The following HTT variants were observed in gnomAD, a reference collection of about 807,000 sequenced individuals.
HTT encodes huntingtin.
In HTT, 104 loss-of-function variants were observed where a neutral mutation model predicts 362.3. The ratio of observed to expected loss-of-function variants is 0.29; its 90% CI spans 0.24 to 0.34. HTT has a LOEUF of 0.34. HTT is among the 10% of genes least tolerant of loss of function. The pLI is 1.00. For missense variants in HTT, 3,301 were observed against 3,928.6 expected, an observed-to-expected ratio of 0.84 and a Z score of 4.27; for synonymous variants, 1,577 against 1,548.7, an observed-to-expected ratio of 1.02 and a Z score of -0.43.
chr4:3,198,647 C>T (rs1351844326), intron 40 of HTT, among the ~76,000 whole-genome samples: 1 of 152,252 alleles, frequency 6.6e-6, no homozygotes, highest in East Asian at 1.9e-4. Context: ...GCTGCCTCTC[C>T]CTGCTGGGCT....
intron 61 of HTT, 53 bp from the exon 62 acceptor site, chr4:3,235,231 C>T (rs1721466263): frequency 8.0e-7 from 1 of 1,244,790 alleles, no homozygotes; most frequent in Non-Finnish European, 1.2e-6. Context: ...CTGTGAAGCC[C>T]TCTCCACGTT....
At chr4:3,171,443 T>C (rs958661418) in intron 29 of HTT, among the ~76,000 whole-genome samples, 1 of 151,868 alleles carries the variant, frequency 6.6e-6, no homozygotes, top group Non-Finnish European at 1.5e-5. Context: ...GTGGCGCTCT[T>C]TGAGTTAGCA....
chr4:3,078,861 A>G (rs1249091968), intron 1 of HTT, among the ~76,000 whole-genome samples: 1 of 152,032 alleles, frequency 6.6e-6, no homozygotes. Flanking sequence ...CAGTCTCCCA[A>G]GTAGCTGGGA....
At chr4:3,199,477 T>C (rs1719425147) in intron 40 of HTT, among the ~76,000 whole-genome samples, 1 of 151,734 alleles carries the variant, frequency 6.6e-6, no homozygotes, top group African/African-American at 2.4e-5. Context: ...AAGGTGGAGT[T>C]TGCAGTGAGC....
In HTT at chr4:3,214,121, T is replaced by C; in HGVS notation, c.6938T>C (p.Phe2313Ser). 1 of 1,525,186 alleles carries C rather than the reference T, an allele frequency of 6.6e-7. No individual in the cohort carries two copies. Among genetic ancestry groups the C allele is most frequent in the Non-Finnish European group, 8.9e-7 (1 of 1,125,744 alleles). The allele number at this position is 1,525,186 out of a possible 1,614,324, so 94.5% of individuals were successfully genotyped here. A position where few individuals can be genotyped will look rare whatever the true frequency, so the allele number is the denominator to read the frequency against. The change falls in exon 50 of 67, where the codon TTC becomes TCC. Residue 2313 changes from phenylalanine to serine, a missense_variant. Phe to Ser is a radical substitution (Grantham distance 155). Coordinates refer to ENST00000355072, the MANE Select transcript of HTT (RefSeq NM_001388492.1). The part of the protein sequence containing the change: ...HACSLIYCVH[F>S]ILEAVAVQPG... The stretch of plus-strand genomic sequence containing the variant: ...TGCTCCCTCATCTACTGTGTGCACT[T>C]CATCCTGGAGGCCGGTGAGTCCCCG...
intron 52 of HTT, among the ~76,000 whole-genome samples, chr4:3,219,326 C>T (rs956813887): frequency 3.9e-5 from 6 of 152,122 alleles, no homozygotes; most frequent in African/African-American, 1.4e-4. Flanking sequence ...TCATGCCGTC[C>T]AGAGCACACC....
At chr4:3,116,045 G>GT (rs1342713987) in intron 7 of HTT, 40 bp from the exon 8 acceptor site, 2 of 1,557,222 alleles carry the variant, frequency 1.3e-6, no homozygotes, top group Non-Finnish European at 1.8e-6. Context: ...TCTCCAAACA[G>GT]TGAGTCAGAT....
intron 8 of HTT, among the ~76,000 whole-genome samples, chr4:3,120,275 C>T (rs1256566036): frequency 6.6e-6 from 1 of 152,094 alleles, no homozygotes; most frequent in African/African-American, 2.4e-5. Flanking sequence ...AAGTATATTC[C>T]AAATCATGTG....
chr4:3,157,358 A>G (rs363148), intron 28 of HTT, among the ~76,000 whole-genome samples, 159 bp downstream of exon 28: 1 of 152,134 alleles, frequency 6.6e-6, no homozygotes, highest in Non-Finnish European at 1.5e-5. Context: ...TTTGTTTATG[A>G]TAGCTTCTAT....
At chr4:3,097,762 G>C (rs987477262) in intron 2 of HTT, among the ~76,000 whole-genome samples, 1 of 152,282 alleles carries the variant, frequency 6.6e-6, no homozygotes, top group Admixed American at 6.5e-5. Flanking sequence ...GCTCTCTCAA[G>C]AAGATATAGA....
intron 11 of HTT, among the ~76,000 whole-genome samples, chr4:3,126,704 A>G (rs1013772051): frequency 6.6e-6 from 1 of 152,228 alleles, no homozygotes; most frequent in Non-Finnish European, 1.5e-5. Context: ...CCTTTTTGCC[A>G]TAATTTTTAT....
chr4:3,233,876 C>T (rs1440611824), intron 61 of HTT, among the ~76,000 whole-genome samples: 3 of 152,208 alleles, frequency 2.0e-5, no homozygotes, highest in African/African-American at 4.8e-5. Context: ...GTCTTACAAG[C>T]GCAGAGGGCT....
At chr4:3,137,955 C>T (rs765898257) in intron 21 of HTT, among the ~76,000 whole-genome samples, 12 of 152,250 alleles carry the variant, frequency 7.9e-5, no homozygotes, top group Admixed American at 2.6e-4. Context: ...CATTTGCCTG[C>T]AAGATTTTGT....
At chr4:3,121,953 C>A (rs73088147) in intron 9 of HTT, among the ~76,000 whole-genome samples, 1,747 of 152,322 alleles carry the variant, frequency 0.011, 38 homozygotes, top group African/African-American at 0.04. Flanking sequence ...CCTCCTGATT[C>A]TTTTCTCTGC....
chr4:3,092,506 T>C (rs986887881), intron 2 of HTT, among the ~76,000 whole-genome samples: 10 of 152,146 alleles, frequency 6.6e-5, no homozygotes, highest in African/African-American at 2.4e-4. Context: ...CCTCAGCCTT[T>C]TGAGTACCTG....
At chr4:3,126,793 A>G (rs1194138700) in intron 11 of HTT, among the ~76,000 whole-genome samples, 1 of 152,220 alleles carries the variant, frequency 6.6e-6, no homozygotes, top group African/African-American at 2.4e-5. Context: ...CCAGGAGAAT[A>G]GGACTGGAGT....
At chr4:3,117,676 GA>G (rs1316343076) in intron 8 of HTT, among the ~76,000 whole-genome samples, 1 of 151,906 alleles carries the variant, frequency 6.6e-6, no homozygotes, top group Non-Finnish European at 1.5e-5. Context: ...ATGTCTTAAA[GA>G]AAAAAATCAG....
At chr4:3,225,800 C>T (rs1043960855) in intron 57 of HTT, 57 bp downstream of exon 57, 17 of 1,278,952 alleles carry the variant, frequency 1.3e-5, no homozygotes, top group Admixed American at 4.1e-5. Context: ...CAGACTTTGG[C>T]GCTTGACACA....
Position 3,173,092 on chromosome 4 carries a change from G to A in HTT, c.4127G>A (p.Arg1376Lys), listed in dbSNP as rs756465411. The A allele has an allele frequency of 6.2e-7, 1 of 1,614,152 alleles. No individual in the cohort carries two copies. Among genetic ancestry groups the A allele is most frequent in the Non-Finnish European group, 8.5e-7 (1 of 1,180,046 alleles). ...CAGGCCCTCGCTGACGCCAGCCTGA[G>A]GAACATGGTGCAGGCGGAGCAGGAG... ...FTQALADASL[R>K]NMVQAEQEND... Residue 1376 changes from arginine (R) to lysine (K), a missense_variant, in exon 31 of 67, where the codon AGG becomes AAG. Arg to Lys is a conservative substitution (Grantham distance 26). Around this residue, in one of 4 missense-constraint regions of HTT, gnomAD observed 2,316 missense variants for 2,658.5 expected, o/e 0.87. Transcript: ENST00000355072.
Sources: allele counts gnomAD v4.1 joint callset (sites outside exome capture counted in the v4.1 genomes callset), GRCh38; gene constraint gnomAD v4.1.1; regional missense constraint gnomAD v4.1.1; transcripts MANE v1.5; gene names NCBI Gene and HGNC (gene_info 2026-07-23, HGNC 2026-07-21).